Variants in TSSK4 observed in about 807,000 individuals in gnomAD.
TSSK4 encodes testis-specific serine/threonine-protein kinase 4.
A neutral mutation model predicts 28.5 loss-of-function variants in TSSK4; 22 were observed. The observed-to-expected ratio is 0.77, with a 90% confidence interval of 0.55 to 1.10. The LOEUF (loss-of-function observed/expected upper bound fraction) is 1.10. TSSK4 is among the 50% of genes least tolerant of loss of function. The pLI is 0.00. For synonymous variants in TSSK4, 151 were observed against 158.3 expected, an observed-to-expected ratio of 0.95 and a Z score of 0.35; for missense variants, 329 against 415.4, an observed-to-expected ratio of 0.79 and a Z score of 1.81.
chr14:24,208,112 C>T lies in TSSK4; in HGVS notation c.983C>T (p.Thr328Ile), dbSNP rs750872352. Residue 328 changes from threonine (T) to isoleucine (I), a missense_variant, in exon 4 of 4, where the codon ACT (threonine) becomes ATT (isoleucine). Thr to Ile is a moderately conservative substitution (Grantham distance 89, BLOSUM62 -1). Transcript: ENST00000339917. ...GCCATGTGCCAGCTCCACAACACCA[C>T]TAAACAGCACCAATCCTTGCAAATT... ...LEAMCQLHNTTKQHQSLQITT is the reference protein window; with the variant it reads ...LEAMCQLHNTIKQHQSLQITT The T allele has an allele frequency of 6.2e-7, 1 of 1,612,062 alleles. No homozygotes were observed. Among genetic ancestry groups the T allele is most frequent in the Non-Finnish European group, 8.5e-7 (1 of 1,178,472 alleles).
chr14:24,206,839 C>A, intron 2 of TSSK4, 116 bp downstream of exon 2: 1 of 1,135,610 alleles, frequency 8.8e-7, no homozygotes, highest in Non-Finnish European at 1.3e-6. Context: ...CTAGCCTATT[C>A]ATGCACTCTA....
rs376974248 is a variant in TSSK4 at position 24,208,038 on chromosome 14, G to C, written c.909G>C (p.Val303=). 1 of 1,614,096 alleles carries C rather than the reference G, an allele frequency of 6.2e-7. No homozygotes were observed. The highest frequency in any genetic ancestry group is 1.3e-5 in the African/African-American group (1 of 74,930). The change falls in exon 4 of 4, where the codon GTG becomes GTC. Residue 303 remains valine (V), a synonymous_variant. Coordinates refer to ENST00000339917, the MANE Select transcript of TSSK4 (RefSeq NM_001184739.2). ...TILDIIKDSW[V]LKFQPEQPTH... is the part of the protein sequence containing the mutation. The stretch of plus-strand genomic sequence containing the variant: ...TGGACATCATCAAGGATTCCTGGGT[G>C]CTCAAGTTCCAGCCTGAGCAACCCA...
Position 24,207,232 on chromosome 14 carries a change from ACCAG to A in TSSK4, c.560_563del (p.Gln187LeufsTer11). 1.2e-6 allele frequency: 2 copies of A among 1,614,192 alleles called. No individual in the cohort carries two copies. The highest frequency in any genetic ancestry group is 2.2e-5 in the East Asian group (1 of 44,886). ...GGCTTTGCCAAGATGGTGCCTTCTAACCAGCCTGTGGGTTGTAGCCCTTCTTACC... is the reference window on the plus strand; with the variant it reads ...GGCTTTGCCAAGATGGTGCCTTCTAACCTGTGGGTTGTAGCCCTTCTTACC... On this transcript the variant is annotated frameshift_variant, in exon 3 of 4. Transcript: ENST00000339917. LOFTEE classifies it high-confidence loss of function.
chr14:24,205,773 G>C lies in TSSK4; in HGVS notation c.-151G>C, dbSNP rs1025909178. The C allele has an allele frequency of 4.8e-6, 3 of 620,626 alleles. No homozygotes were observed. In the African/African-American group the frequency reaches 5.5e-5, roughly 11 times the overall value. 38.4% of individuals were successfully genotyped at this position (620,626 alleles called of 1,614,324 possible). ...CTCCAAGTTCCTAGTGGAGGGCTGA[G>C]TCCAGCATCCCAGACTCGTGTGACT... On this transcript the variant is annotated 5_prime_UTR_variant, in exon 1 of 4. Transcript: ENST00000339917.
In TSSK4 at chr14:24,205,855, C is replaced by T. The variant is rs1380733459; in HGVS notation, c.-69C>T. The T allele has an allele frequency of 2.4e-6, 3 of 1,241,268 alleles. No homozygotes were observed. Among genetic ancestry groups the T allele is most frequent in the Non-Finnish European group, 3.5e-6 (3 of 845,480 alleles). The allele number at this position is 1,241,268 out of a possible 1,614,324, so 76.9% of individuals were successfully genotyped here. A position where few individuals can be genotyped will look rare whatever the true frequency, so the allele number is the denominator to read the frequency against. ...TTTGATACCCTAGCCTTCAGCAGCT[C>T]AAGGTGTTGGCCTTTGGATAGGAGG... On this transcript the variant is annotated 5_prime_UTR_variant, in exon 1 of 4. Transcript: ENST00000339917.
intron 3 of TSSK4, 21 bp from the exon 4 acceptor site, chr14:24,207,943 C>T: frequency 6.2e-7 from 1 of 1,613,986 alleles, no homozygotes; most frequent in South Asian, 1.1e-5. Flanking sequence ...TCAGGCAAGA[C>T]CTCTCTCTCC....
In TSSK4 at chr14:24,208,107, C is replaced by T. The variant is rs1417362582; in HGVS notation, c.978C>T (p.Asn326=). 18 of 1,613,150 alleles carry T rather than the reference C, an allele frequency of 1.1e-5. No homozygotes were observed. The highest frequency in any genetic ancestry group is 6.7e-5 in the Admixed American group (4 of 59,974). Residue 326 remains asparagine (N), a synonymous_variant, in exon 4 of 4, where the codon AAC becomes AAT. Transcript: ENST00000339917. The part of the protein sequence containing the change: ...RLLEAMCQLH[N]TTKQHQSLQI... ...TTGAGGCCATGTGCCAGCTCCACAA[C>T]ACCACTAAACAGCACCAATCCTTGC...
rs1185509706 is a variant in TSSK4, at chr14:24,207,311, T to G, written c.636T>G (p.Phe212Leu). Residue 212 changes from phenylalanine to leucine, a missense_variant, in exon 3 of 4, where the codon TTT becomes TTG. Around this residue, in one of 3 missense-constraint regions of TSSK4, gnomAD observed 139 missense variants for 178.1 expected, o/e 0.78. Transcript: ENST00000339917. ...TCAGCCAGACTTACTGTGGCAGCTT[T>G]GCTTACGCTTGCCCAGAGATCTTAC... ...SHLSQTYCGS[F>L]AYACPEILRG... 1 of 1,614,156 alleles carries G rather than the reference T, an allele frequency of 6.2e-7. No individual in the cohort carries two copies. Among genetic ancestry groups the G allele is most frequent in the Non-Finnish European group, 8.5e-7 (1 of 1,180,020 alleles).
At position 24,207,501 on chromosome 14, in the gene TSSK4, G is replaced by A; in HGVS notation, c.826G>A (p.Glu276Lys). 3 of 1,608,204 alleles carry A rather than the reference G, an allele frequency of 1.9e-6. No individual in the cohort carries two copies. Among genetic ancestry groups the A allele is most frequent in the South Asian group, 1.1e-5 (1 of 90,000 alleles). ...CCCAGCTAACCATACCATCTCCCAG[G>A]AGTGCAAGGTACTGGCTACCTAAGG... ...TFPANHTISQECKNLILQMLR... is the reference protein window; with the variant it reads ...TFPANHTISQKCKNLILQMLR... The change falls in exon 3 of 4, where the codon GAG (glutamate) becomes AAG (lysine). Residue 276 changes from glutamate (E) to lysine (K), a missense_variant. Physicochemically the swap from Glu to Lys is moderately conservative, Grantham distance 56 (BLOSUM62 1). This residue lies in a region of TSSK4 where 139 missense variants were observed against 178.1 expected (regional missense o/e 0.78). Transcript: ENST00000339917.
intron 2 of TSSK4, 72 bp downstream of exon 2, chr14:24,206,795 C>A: frequency 6.5e-7 from 1 of 1,531,342 alleles, no homozygotes; most frequent in Non-Finnish European, 8.9e-7. Context: ...CATTTCCTGT[C>A]CTTTTTTCCT....
At chr14:24,207,904 A>G in intron 3 of TSSK4, 60 bp from the exon 4 acceptor site, 2 of 1,613,006 alleles carry the variant, frequency 1.2e-6, no homozygotes, top group South Asian at 2.2e-5. Flanking sequence ...CCAACTGCTC[A>G]TTGCCTGTGT....
At position 24,208,121 on chromosome 14, in the gene TSSK4, A is replaced by T; in HGVS notation, c.992A>T (p.His331Leu). Residue 331 changes from histidine (H) to leucine (L), a missense_variant, in exon 4 of 4, where the codon CAC becomes CTC. His to Leu is a moderately conservative substitution (Grantham distance 99, BLOSUM62 -3). This residue lies in a region of TSSK4 where 139 missense variants were observed against 178.1 expected (regional missense o/e 0.78). Coordinates refer to ENST00000339917, the MANE Select transcript of TSSK4 (RefSeq NM_001184739.2). Reference protein sequence around the residue: ...MCQLHNTTKQHQSLQITT With the variant: ...MCQLHNTTKQLQSLQITT ...CAGCTCCACAACACCACTAAACAGC[A>T]CCAATCCTTGCAAATTACGACCTGA... is the stretch of plus-strand genomic sequence containing the variant. 2 of 1,604,908 alleles carry T rather than the reference A, an allele frequency of 1.2e-6. No individual in the cohort carries two copies. The highest frequency in any genetic ancestry group is 1.7e-6 in the Non-Finnish European group (2 of 1,172,666).
chr14:24,206,304 C>T (rs541886101), intron 1 of TSSK4, among the ~76,000 whole-genome samples, 156 bp downstream of exon 1: 6 of 152,312 alleles, frequency 3.9e-5, no homozygotes, highest in African/African-American at 1.2e-4. Flanking sequence ...TAAGTTAAAC[C>T]TCTTTCCCAT....
chr14:24,207,064 C>A (rs758976484), intron 2 of TSSK4, 52 bp from the exon 3 acceptor site: 4 of 1,598,356 alleles, frequency 2.5e-6, no homozygotes, highest in Admixed American at 3.3e-5. Flanking sequence ...CATCTTTACC[C>A]TCTGACCCCT....
At chr14:24,207,852 G>A (rs747688359) in intron 3 of TSSK4, 112 bp from the exon 4 acceptor site, 8 of 1,577,658 alleles carry the variant, frequency 5.1e-6, no homozygotes, top group Non-Finnish European at 6.0e-6. Flanking sequence ...CACCCACTTT[G>A]ACCAGAGTGG....
rs373627405 is a variant in TSSK4, at chr14:24,208,033, T to A, written c.904T>A (p.Trp302Arg). Residue 302 changes from tryptophan (W) to arginine (R), a missense_variant, in exon 4 of 4, where the codon TGG (tryptophan) becomes AGG (arginine). By Grantham distance (101) the Trp-to-Arg change is moderately radical. Coordinates refer to ENST00000339917, the MANE Select transcript of TSSK4 (RefSeq NM_001184739.2). Reference sequence around the variant, plus strand: ...CATTCTGGACATCATCAAGGATTCCTGGGTGCTCAAGTTCCAGCCTGAGCA... The same window carrying A: ...CATTCTGGACATCATCAAGGATTCCAGGGTGCTCAAGTTCCAGCCTGAGCA... The part of the protein sequence containing the change: ...ATILDIIKDS[W>R]VLKFQPEQPT... 1.2e-6 allele frequency: 2 copies of A among 1,614,104 alleles called. No individual in the cohort carries two copies. The highest frequency in any genetic ancestry group is 1.7e-6 in the Non-Finnish European group (2 of 1,180,048).
rs2039522397 is a variant in TSSK4, at chr14:24,206,615, T to G, written c.332T>G (p.Leu111Arg). ...GAACTGGCTCAGGGTGGTGATGTCC[T>G]TGAATGGATCCAGCGCTACGGGGCC... ...ILELAQGGDV[L>R]EWIQRYGACS... The change falls in exon 2 of 4, where the codon CTT (leucine) becomes CGT (arginine). Residue 111 changes from leucine to arginine, a missense_variant. Coordinates refer to ENST00000339917, the MANE Select transcript of TSSK4 (RefSeq NM_001184739.2). 1 of 1,614,124 alleles carries G rather than the reference T, an allele frequency of 6.2e-7. No homozygotes were observed. Among genetic ancestry groups the G allele is most frequent in the African/African-American group, 1.3e-5 (1 of 74,940 alleles).
At chr14:24,207,038 C>T (rs2039531014) in intron 2 of TSSK4, 78 bp from the exon 3 acceptor site, 1 of 1,579,924 alleles carries the variant, frequency 6.3e-7, no homozygotes, top group Non-Finnish European at 8.6e-7. Context: ...TTTCTACCTC[C>T]CACTTCCTCT....
intron 3 of TSSK4, 169 bp from the exon 4 acceptor site, chr14:24,207,795 C>T: frequency 7.6e-7 from 1 of 1,323,924 alleles, no homozygotes; most frequent in East Asian, 2.5e-5. Context: ...CTTCCCTTCC[C>T]CTCCAGGGAG....
Sources: allele counts gnomAD v4.1 joint callset (sites outside exome capture counted in the v4.1 genomes callset), GRCh38; gene constraint gnomAD v4.1.1; regional missense constraint gnomAD v4.1.1; transcripts MANE v1.5; gene names NCBI Gene and HGNC (gene_info 2026-07-23, HGNC 2026-07-21).